Variants in ODAD2 observed in about 807,000 individuals in gnomAD.
ODAD2 encodes outer dynein arm docking complex subunit 2, also known as outer dynein arm-docking complex subunit 2.
A neutral mutation model predicts 106.8 loss-of-function variants in ODAD2; 89 were observed. The observed-to-expected ratio is 0.83, with a 90% CI of 0.70 to 0.99. ODAD2 has a LOEUF of 0.99. ODAD2 is among the 50% of genes least tolerant of loss of function. ODAD2 has a pLI of 0.00. For missense variants in ODAD2, 1,168 were observed against 1,238.5 expected, an observed-to-expected ratio of 0.94 and a Z score of 0.85; for synonymous variants, 404 against 436.2, an observed-to-expected ratio of 0.93 and a Z score of 0.92.
At chr10:27,884,274 C>T (rs1435251630) in intron 17 of ODAD2, among the ~76,000 whole-genome samples, 1 of 152,102 alleles carries the variant, frequency 6.6e-6, no homozygotes, top group Non-Finnish European at 1.5e-5. Context: ...GCTCCAAACC[C>T]TCATTCTCCT....
At chr10:27,923,964 A>T (rs961475055) in intron 16 of ODAD2, among the ~76,000 whole-genome samples, 12 of 119,130 alleles carry the variant, frequency 1.0e-4, no homozygotes, top group African/African-American at 4.2e-4. Context: ...GAAAGAAAGA[A>T]AGAAAGAAAG....
chr10:27,902,943 T>C (rs1191906623), intron 17 of ODAD2, among the ~76,000 whole-genome samples: 1 of 152,164 alleles, frequency 6.6e-6, no homozygotes, highest in African/African-American at 2.4e-5. Flanking sequence ...CCCTTACTCA[T>C]TTTATGAGAC....
In ODAD2 at chr10:27,947,259, C is replaced by T. The variant is rs77007927; in HGVS notation, c.1387-2297G>A. On this transcript the variant is annotated intron_variant, in intron 10 of 19. Coordinates refer to ENST00000305242, the MANE Select transcript of ODAD2 (RefSeq NM_018076.5). ...GGAGGCTCCCATAAGCCAGTACTTC[C>T]ATTTCCTCTTTTAAAAAAACAAAAG... 6.3e-3 allele frequency among the ~76,000 whole-genome samples: 952 copies of T among 152,236 alleles called. 9 individuals carry two copies. Among genetic ancestry groups the T allele is most frequent in the African/African-American group, 0.022 (906 of 41,532 alleles).
rs755170204 is a variant in ODAD2, at chr10:27,944,209, C to T, written c.1743+13G>A. ...TGGCACTAGATGACGATGACAACAT[C>T]ACGGCTACTCACCAGTTTGGTGATA... On this transcript the variant is annotated intron_variant, in intron 12 of 19. Coordinates refer to ENST00000305242, the MANE Select transcript of ODAD2 (RefSeq NM_018076.5). 6.2e-7 allele frequency: 1 copy of T among 1,604,510 alleles called. No individual in the cohort carries two copies. The highest frequency in any genetic ancestry group is 8.5e-7 in the Non-Finnish European group (1 of 1,175,930).
Position 27,860,667 on chromosome 10 carries a change from G to T in ODAD2, c.2979C>A (p.Asp993Glu). Reference sequence around the variant, plus strand: ...CATGCATGGTGATGCAGTTATCGGCGTCTTCTGAGAGTTGGTACAAGGCCT... The same window carrying T: ...CATGCATGGTGATGCAGTTATCGGCTTCTTCTGAGAGTTGGTACAAGGCCT... ...TAQALYQLSEDADNCITMHEN... is the reference protein window; with the variant it reads ...TAQALYQLSEEADNCITMHEN... Residue 993 changes from aspartate (D) to glutamate (E), a missense_variant, in exon 19 of 20, where the codon GAC becomes GAA. By Grantham distance (45) the Asp-to-Glu change is conservative. Transcript: ENST00000305242. 1.2e-6 allele frequency: 2 copies of T among 1,614,032 alleles called. No homozygotes were observed. Among genetic ancestry groups the T allele is most frequent in the Non-Finnish European group, 1.7e-6 (2 of 1,180,014 alleles).
chr10:27,860,537 C>T, intron 19 of ODAD2, 88 bp downstream of exon 19: 1 of 1,260,072 alleles, frequency 7.9e-7, no homozygotes, highest in Non-Finnish European at 1.1e-6. Context: ...CTGAATACCT[C>T]CTTTAGAGAA....
At chr10:27,822,149 C>G (rs1210660999) in intron 19 of ODAD2, among the ~76,000 whole-genome samples, 1 of 152,180 alleles carries the variant, frequency 6.6e-6, no homozygotes, top group Non-Finnish European at 1.5e-5. Flanking sequence ...GCAGCTGTGA[C>G]CCACAGTTCA....
At chr10:27,928,120 G>C (rs1845380389) in intron 16 of ODAD2, among the ~76,000 whole-genome samples, 2 of 152,026 alleles carry the variant, frequency 1.3e-5, no homozygotes, top group African/African-American at 4.8e-5. Flanking sequence ...TCATGGTCCT[G>C]GGTTGGGCAT....
At chr10:27,912,524 C>T (rs12217989) in intron 16 of ODAD2, among the ~76,000 whole-genome samples, 1 of 152,086 alleles carries the variant, frequency 6.6e-6, no homozygotes. Flanking sequence ...CCCATTGAGG[C>T]CATATATATG....
chr10:27,959,035 C>A, intron 10 of ODAD2: 1 of 1,294,074 alleles, frequency 7.7e-7, no homozygotes, highest in Non-Finnish European at 1.0e-6. Flanking sequence ...CTTAATTCAT[C>A]TTCTGAAAGA....
chr10:27,923,248 G>C (rs1372599888), intron 16 of ODAD2, among the ~76,000 whole-genome samples: 2 of 152,124 alleles, frequency 1.3e-5, no homozygotes, highest in Non-Finnish European at 2.9e-5. Context: ...TTTATATACT[G>C]CATGCAAGGG....
intron 10 of ODAD2, among the ~76,000 whole-genome samples, chr10:27,953,794 T>C (rs1280867456): frequency 6.6e-6 from 1 of 152,190 alleles, no homozygotes; most frequent in Non-Finnish European, 1.5e-5. Context: ...ATTGAGCATA[T>C]ATGAGTGTGC....
At chr10:27,981,333 A>C (rs1849531203) in intron 7 of ODAD2, 133 bp downstream of exon 7, 1 of 708,630 alleles carries the variant, frequency 1.4e-6, no homozygotes, top group South Asian at 2.6e-5. Context: ...ATGTTATGTT[A>C]TGTTGTAAAA....
chr10:27,976,873 T>C (rs1849224026), intron 7 of ODAD2, among the ~76,000 whole-genome samples: 1 of 152,150 alleles, frequency 6.6e-6, no homozygotes, highest in Admixed American at 6.5e-5. Context: ...ATCAAGACTG[T>C]GGTATTGGTG....
intron 19 of ODAD2, among the ~76,000 whole-genome samples, chr10:27,819,024 G>T (rs1222847259): frequency 6.6e-6 from 1 of 152,258 alleles, no homozygotes; most frequent in East Asian, 1.9e-4. Context: ...ACCTCTGGGG[G>T]TCACTGCAAA....
At chr10:27,846,008 G>T (rs548991452) in intron 19 of ODAD2, among the ~76,000 whole-genome samples, 1 of 152,168 alleles carries the variant, frequency 6.6e-6, no homozygotes, top group Admixed American at 6.5e-5. Context: ...ACATTAGACA[G>T]ACCAATGAGA....
At chr10:27,886,723 TA>T (rs1842245037) in intron 17 of ODAD2, among the ~76,000 whole-genome samples, 1 of 152,050 alleles carries the variant, frequency 6.6e-6, no homozygotes, top group Non-Finnish European at 1.5e-5. Context: ...ATAAAGATGT[TA>T]TTTGTGGCAT....
At chr10:27,813,073 C>T (rs560089681) in intron 19 of ODAD2, among the ~76,000 whole-genome samples, 23 of 152,346 alleles carry the variant, frequency 1.5e-4, no homozygotes, top group African/African-American at 5.5e-4. Flanking sequence ...TGCCAACTAA[C>T]TAGAGCTGAT....
intron 16 of ODAD2, among the ~76,000 whole-genome samples, chr10:27,921,888 C>A (rs1333087302): frequency 6.7e-6 from 1 of 149,504 alleles, no homozygotes; most frequent in South Asian, 2.1e-4. Context: ...AACTTTAGGC[C>A]GGGCGCCTTG....
Sources: gnomAD v4.1 joint callset for allele counts (sites outside exome capture counted in the v4.1 genomes callset) on GRCh38, gnomAD v4.1.1 for gene constraint, MANE v1.5 for transcripts, NCBI Gene and HGNC (gene_info 2026-07-23, HGNC 2026-07-21) for gene names.